The following UTY variants were observed in gnomAD, a reference collection of about 807,000 sequenced individuals.
The protein encoded by UTY is histone demethylase UTY.
Under a neutral mutation model 32.5 loss-of-function variants are expected in UTY, and 12 were observed. That is an observed-to-expected ratio of 0.37 (90% CI 0.24 to 0.60). The LOEUF (loss-of-function observed/expected upper bound fraction) is 0.60. UTY is among the 20% of genes least tolerant of loss of function. The pLI, the probability that UTY is intolerant of heterozygous loss-of-function variation, is 0.69. For synonymous variants in UTY, 131 were observed against 103.4 expected (o/e 1.27, Z -1.62); for missense variants, 303 against 299.2 (o/e 1.01, Z -0.09).
chrY:13,436,965 G>GACACAC (rs2074620642), intron 4 of UTY, among the ~76,000 whole-genome samples: 1 of 26,778 alleles, frequency 3.7e-5, no homozygotes, highest in African/African-American at 1.5e-4. Context: ...GGAAGCAAAA[G>GACACAC]AGACACACAC....
chrY:13,367,274 T>C, intron 9 of UTY, among the ~76,000 whole-genome samples: 1 of 33,623 alleles, frequency 3.0e-5, no homozygotes, highest in Non-Finnish European at 7.3e-5. Flanking sequence ...TATTTATTTA[T>C]AATAATAACA....
intron 8 of UTY, among the ~76,000 whole-genome samples, chrY:13,385,802 C>T: frequency 3.0e-5 from 1 of 33,225 alleles, no homozygotes; most frequent in Non-Finnish European, 7.4e-5. Flanking sequence ...CCTCTGACCT[C>T]AGCCTCTCAA....
chrY:13,405,711 A>T, intron 6 of UTY, among the ~76,000 whole-genome samples: 1 of 32,632 alleles, frequency 3.1e-5, no homozygotes, highest in African/African-American at 1.2e-4. Flanking sequence ...ATTACGTGTC[A>T]ATTAAAAATA....
intron 7 of UTY, among the ~76,000 whole-genome samples, chrY:13,394,465 G>A: frequency 3.0e-5 from 1 of 33,014 alleles, no homozygotes; most frequent in Non-Finnish European, 7.5e-5. Context: ...TACCTGAAGA[G>A]CAAGACTTCA....
chrY:13,313,767 G>A (rs1033410205), intron 21 of UTY, among the ~76,000 whole-genome samples: 7 of 33,488 alleles, frequency 2.1e-4, no homozygotes, highest in Non-Finnish European at 4.4e-4. Flanking sequence ...CATCGGTTTC[G>A]TCTGGGAACA....
intron 15 of UTY, among the ~76,000 whole-genome samples, chrY:13,357,574 C>T: frequency 6.3e-5 from 2 of 31,594 alleles, no homozygotes; most frequent in Non-Finnish European, 1.5e-4. Flanking sequence ...AATACACAAA[C>T]ACATTTGTTT....
At chrY:13,289,713 G>A in intron 27 of UTY, among the ~76,000 whole-genome samples, 1 of 33,348 alleles carries the variant, frequency 3.0e-5, no homozygotes, top group Non-Finnish European at 7.4e-5. Context: ...GGCTCGTCCT[G>A]CTACCATAAC....
At chrY:13,342,003 T>C (rs2061527495) in intron 17 of UTY, among the ~76,000 whole-genome samples, 1 of 33,108 alleles carries the variant, frequency 3.0e-5, no homozygotes, top group Non-Finnish European at 7.4e-5. Flanking sequence ...AGAAAAGCCA[T>C]GATAATGACC....
At chrY:13,392,977 T>C in intron 8 of UTY, among the ~76,000 whole-genome samples, 1 of 33,131 alleles carries the variant, frequency 3.0e-5, no homozygotes, top group East Asian at 8.0e-4. Context: ...GCTCTGAAAG[T>C]AGCTGCAACT....
intron 27 of UTY, among the ~76,000 whole-genome samples, chrY:13,276,601 C>T (rs2056702590): frequency 3.1e-5 from 1 of 32,139 alleles, no homozygotes; most frequent in Non-Finnish European, 7.6e-5. Context: ...CCTGTAGTCC[C>T]GGCTACTCTA....
At chrY:13,303,836 T>C (rs1376188043) in intron 24 of UTY, among the ~76,000 whole-genome samples, 1 of 33,672 alleles carries the variant, frequency 3.0e-5, no homozygotes. Context: ...ATGTAAGGTG[T>C]TTCAATATCT....
At chrY:13,383,022 C>T (rs2066305783) in intron 8 of UTY, among the ~76,000 whole-genome samples, 1 of 33,136 alleles carries the variant, frequency 3.0e-5, no homozygotes, top group Non-Finnish European at 7.4e-5. Flanking sequence ...CATACTGGGC[C>T]GGGCGCAGTG....
At chrY:13,358,362 T>C in intron 14 of UTY, 102 bp downstream of exon 14, 1 of 348,045 alleles carries the variant, frequency 2.9e-6, no homozygotes, top group South Asian at 4.2e-5. Flanking sequence ...ACTGCTTCAC[T>C]TTCTGATGTC....
intron 8 of UTY, among the ~76,000 whole-genome samples, chrY:13,369,936 T>A: frequency 5.9e-5 from 2 of 33,892 alleles, no homozygotes; most frequent in Admixed American, 5.4e-4. Flanking sequence ...ATCAAAACAG[T>A]GCTTAAAATT....
At chrY:13,441,256 T>C in intron 4 of UTY, among the ~76,000 whole-genome samples, 1 of 33,294 alleles carries the variant, frequency 3.0e-5, no homozygotes, top group Non-Finnish European at 7.4e-5. Context: ...TTTAAAATTT[T>C]CAAGTCATTC....
chrY:13,422,408 A>G, intron 4 of UTY, among the ~76,000 whole-genome samples: 1 of 33,495 alleles, frequency 3.0e-5, no homozygotes, highest in Non-Finnish European at 7.4e-5. Context: ...AGAAGACAGT[A>G]TGAAAACACA....
intron 2 of UTY, among the ~76,000 whole-genome samples, chrY:13,475,480 C>T (rs942722744): frequency 1.5e-4 from 5 of 33,722 alleles, no homozygotes; most frequent in Admixed American, 1.1e-3. Flanking sequence ...TGGGATCATT[C>T]GTTAGCATCA....
In UTY at chrY:13,355,145, C is replaced by T; in HGVS notation, c.1919G>A (p.Gly640Asp). ...TTCACTTCCTGCTATACAATTACTG[C>T]CTAGCAAGATAGTGTCTGTACTTCC... ...ILGSTDTILL[G>D]SNCIAGSESN... Residue 640 changes from glycine to aspartate, a missense_variant, in exon 17 of 30, where the codon GGC becomes GAC. Gly to Asp is a moderately conservative substitution (Grantham distance 94, BLOSUM62 -1). Coordinates refer to ENST00000545955, the MANE Select transcript of UTY (RefSeq NM_001258249.2). 1 of 398,178 alleles carries T rather than the reference C, an allele frequency of 2.5e-6. No homozygotes were observed. The highest frequency in any genetic ancestry group is 3.5e-6 in the Non-Finnish European group (1 of 283,330).
intron 8 of UTY, among the ~76,000 whole-genome samples, chrY:13,379,897 G>GGTGT (rs59144905): frequency 7.1e-4 from 12 of 16,832 alleles, no homozygotes; most frequent in Admixed American, 1.8e-3. Flanking sequence ...AACATTAAGG[G>GGTGT]GTGTGTGTGT....
Sources: gnomAD v4.1 joint callset for allele counts (sites outside exome capture counted in the v4.1 genomes callset) on GRCh38, gnomAD v4.1.1 for gene constraint, MANE v1.5 for transcripts, NCBI Gene and HGNC (gene_info 2026-07-23, HGNC 2026-07-21) for gene names.